The following ARHGEF7 variants were observed in gnomAD, a reference collection of about 807,000 sequenced individuals.
ARHGEF7 encodes the protein Rho guanine nucleotide exchange factor 7.
ARHGEF7 carries 33 observed loss-of-function variants against 109.8 expected under a neutral mutation model. The ratio of observed to expected loss-of-function variants is 0.30; its 90% CI spans 0.23 to 0.40. The LOEUF (loss-of-function observed/expected upper bound fraction) is 0.40, where lower values mean the gene tolerates loss of function less well. Among genes scored for constraint, ARHGEF7 ranks in the 10% least tolerant of loss-of-function variants. The probability of loss-of-function intolerance (pLI) is 1.00; values close to 1 mark genes in which losing one functional copy is unlikely to be tolerated. For synonymous variants in ARHGEF7, 458 were observed against 424.6 expected (o/e 1.08, Z -0.97); for missense variants, 938 against 1,098.5 (o/e 0.85, Z 2.07).
At chr13:111,241,264 G>C (rs976498178) in intron 6 of ARHGEF7, 2 of 1,536,162 alleles carry the variant, frequency 1.3e-6, no homozygotes, top group South Asian at 2.4e-5. Context: ...GAGCTGTGGC[G>C]TCCAGGCTGT....
chr13:111,156,183 A>G (rs1490635921), intron 2 of ARHGEF7, among the ~76,000 whole-genome samples: 1 of 142,822 alleles, frequency 7.0e-6, no homozygotes, highest in African/African-American at 2.5e-5. Context: ...TGTTTTTATA[A>G]TTAAGAGTTT....
chr13:111,280,548 T>G lies in ARHGEF7; in HGVS notation c.1596T>G (p.Ile532Met). The G allele has an allele frequency of 6.2e-7, 1 of 1,605,684 alleles. No individual in the cohort carries two copies. Among genetic ancestry groups the G allele is most frequent in the Non-Finnish European group, 8.5e-7 (1 of 1,176,688 alleles). The change falls in exon 15 of 22, where the codon ATT (isoleucine) becomes ATG (methionine). Residue 532 changes from isoleucine (I) to methionine (M), a missense_variant. Physicochemically the swap from Ile to Met is conservative, Grantham distance 10. Around this residue, in one of 4 missense-constraint regions of ARHGEF7, gnomAD observed 585 missense variants for 723.6 expected, o/e 0.81. Coordinates refer to ENST00000646102, the MANE Select transcript of ARHGEF7 (RefSeq NM_001354046.2). ...RNAFEISGSM[I>M]ERILVSCNNQ... ...CCTTCTCTCCTATAGGGAGCATGAT[T>G]GAGCGGATATTAGTGTCGTGCAACA... is the stretch of plus-strand genomic sequence containing the variant.
intron 8 of ARHGEF7, among the ~76,000 whole-genome samples, chr13:111,253,149 A>G (rs1227545287): frequency 1.3e-5 from 2 of 152,264 alleles, no homozygotes; most frequent in Non-Finnish European, 2.9e-5. Flanking sequence ...TTTGAAATGC[A>G]GTTTTCCTTC....
intron 2 of ARHGEF7, among the ~76,000 whole-genome samples, chr13:111,181,122 A>G (rs1212673469): frequency 6.6e-6 from 1 of 152,254 alleles, no homozygotes; most frequent in Non-Finnish European, 1.5e-5. Flanking sequence ...TTTATTCAAA[A>G]TTCAAACTTC....
chr13:111,210,389 T>A (rs993552169), intron 4 of ARHGEF7, among the ~76,000 whole-genome samples: 7 of 152,218 alleles, frequency 4.6e-5, no homozygotes, highest in African/African-American at 1.7e-4. Context: ...AAGAGATGGT[T>A]AAAACTAAAG....
At chr13:111,144,578 T>C (rs2075496999) in intron 1 of ARHGEF7, 1 of 152,198 alleles carries the variant, frequency 6.6e-6, no homozygotes, top group African/African-American at 2.4e-5. Flanking sequence ...AGAAGACAGC[T>C]GCAATTTAAT....
intron 1 of ARHGEF7, among the ~76,000 whole-genome samples, chr13:111,141,683 C>T (rs1421215424): frequency 6.6e-6 from 1 of 151,768 alleles, no homozygotes; most frequent in African/African-American, 2.4e-5. Flanking sequence ...ACTGAGTAAT[C>T]CCATTGTATG....
At chr13:111,264,966 A>G (rs1377475594) in intron 8 of ARHGEF7, among the ~76,000 whole-genome samples, 1 of 152,048 alleles carries the variant, frequency 6.6e-6, no homozygotes, top group African/African-American at 2.4e-5. Flanking sequence ...CTAGTCTAGA[A>G]GGGAAGGCCC....
At chr13:111,122,521 T>G (rs831157) in intron 1 of ARHGEF7, 1 of 152,200 alleles carries the variant, frequency 6.6e-6, no homozygotes, top group Non-Finnish European at 1.5e-5. Flanking sequence ...AGTTCTCAAC[T>G]CTGTTTTTGC....
chr13:111,293,085 T>G (rs896688916), intron 19 of ARHGEF7: 2 of 985,350 alleles, frequency 2.0e-6, no homozygotes, highest in Admixed American at 6.1e-5. Flanking sequence ...ATTTCTGTTA[T>G]AAGGCACATA....
intron 8 of ARHGEF7, among the ~76,000 whole-genome samples, chr13:111,264,180 C>T (rs752159693): frequency 1.5e-4 from 23 of 152,100 alleles, no homozygotes; most frequent in Non-Finnish European, 3.2e-4. Context: ...ATGACACATT[C>T]AGGATTTGGA....
intron 5 of ARHGEF7, among the ~76,000 whole-genome samples, chr13:111,229,497 G>T (rs778631249): frequency 1.2e-4 from 19 of 152,028 alleles, no homozygotes; most frequent in Admixed American, 4.6e-4. Context: ...TTTATTCGTC[G>T]TGATTGGTCC....
intron 12 of ARHGEF7, among the ~76,000 whole-genome samples, chr13:111,276,229 A>G (rs1015382355): frequency 2.6e-5 from 4 of 152,220 alleles, no homozygotes; most frequent in Non-Finnish European, 4.4e-5. Context: ...ATTGACATAC[A>G]TTCAATGGGT....
intron 2 of ARHGEF7, among the ~76,000 whole-genome samples, chr13:111,187,724 A>G (rs747428180): frequency 2.0e-5 from 3 of 152,162 alleles, no homozygotes; most frequent in Non-Finnish European, 4.4e-5. Flanking sequence ...GGGTGAGGCA[A>G]AGTCACTAAT....
chr13:111,259,028 T>TGTG (rs2090783356), intron 8 of ARHGEF7, among the ~76,000 whole-genome samples: 1 of 152,190 alleles, frequency 6.6e-6, no homozygotes, highest in Non-Finnish European at 1.5e-5. Flanking sequence ...GACTTTTTCA[T>TGTG]GTGGCTTGGG....
At chr13:111,262,303 A>C (rs1259507645) in intron 8 of ARHGEF7, among the ~76,000 whole-genome samples, 1 of 152,260 alleles carries the variant, frequency 6.6e-6, no homozygotes, top group East Asian at 1.9e-4. Context: ...GCTACTGTGA[A>C]CAACTGTATG....
At position 111,115,703 on chromosome 13, in the gene ARHGEF7, C is replaced by G; in HGVS notation, c.165+12C>G. On this transcript the variant is annotated intron_variant, in intron 1 of 21. Coordinates refer to ENST00000646102, the MANE Select transcript of ARHGEF7 (RefSeq NM_001354046.2). Reference sequence around the variant, plus strand: ...GGACCATCGAGAAAGTAAGTCCCGGCCCGCGCCCCCGCCCGCGCCCCCCGG... The same window carrying G: ...GGACCATCGAGAAAGTAAGTCCCGGGCCGCGCCCCCGCCCGCGCCCCCCGG... The G allele has an allele frequency of 8.6e-7, 1 of 1,163,094 alleles. No individual in the cohort carries two copies. Among genetic ancestry groups the G allele is most frequent in the Non-Finnish European group, 1.1e-6 (1 of 941,074 alleles). 72.0% of individuals were successfully genotyped at this position (1,163,094 alleles called of 1,614,324 possible).
At chr13:111,234,610 C>G (rs1381067782) in intron 6 of ARHGEF7, among the ~76,000 whole-genome samples, 2 of 152,208 alleles carry the variant, frequency 1.3e-5, no homozygotes, top group Non-Finnish European at 2.9e-5. Context: ...CAGGTCTCCT[C>G]ATGCATCATG....
intron 6 of ARHGEF7, among the ~76,000 whole-genome samples, chr13:111,236,093 A>G (rs1428001449): frequency 6.6e-6 from 1 of 152,232 alleles, no homozygotes; most frequent in African/African-American, 2.4e-5. Context: ...AAGACACTGG[A>G]AAGTAAAACT....
Sources: allele counts gnomAD v4.1 joint callset (sites outside exome capture counted in the v4.1 genomes callset), GRCh38; gene constraint gnomAD v4.1.1; regional missense constraint gnomAD v4.1.1; transcripts MANE v1.5; gene names NCBI Gene and HGNC (gene_info 2026-07-23, HGNC 2026-07-21).